Variants in ZKSCAN1 observed in about 807,000 individuals in gnomAD.
ZKSCAN1 encodes the protein zinc finger protein with KRAB and SCAN domains 1.
In ZKSCAN1, 14 loss-of-function variants were observed where a neutral mutation model predicts 51.6. The observed-to-expected ratio is 0.27, with a 90% CI of 0.18 to 0.42. ZKSCAN1 has a LOEUF of 0.42. Ranked by LOEUF, ZKSCAN1 falls within the 10% of genes least tolerant of loss-of-function variation. The pLI is 1.00. For synonymous variants in ZKSCAN1, 263 were observed against 261.5 expected, an observed-to-expected ratio of 1.01 and a Z score of -0.06; for missense variants, 531 against 710.0, an observed-to-expected ratio of 0.75 and a Z score of 2.86.
chr7:100,019,468 A>G (rs890432316), intron 1 of ZKSCAN1: 2 of 152,170 alleles, frequency 1.3e-5, no homozygotes, highest in African/African-American at 4.8e-5. Context: ...GGCATCCCAA[A>G]GTGCTGGGAT....
chr7:100,037,251 A>T lies in ZKSCAN1; in HGVS notation c.*3054A>T, dbSNP rs1420434496. 1.0e-6 allele frequency: 1 copy of T among 985,416 alleles called. No homozygotes were observed. The highest frequency in any genetic ancestry group is 1.2e-6 in the Non-Finnish European group (1 of 829,912). The allele number at this position is 985,416 out of a possible 1,614,324, so 61.0% of individuals were successfully genotyped here. ...TTCTACAGTTAACCATTAGCATGCT[A>T]GTTGTCCTAATGGAAATTTTTGAAG... On this transcript the variant is annotated 3_prime_UTR_variant, in exon 6 of 6. Transcript: ENST00000324306.
At position 100,037,249 on chromosome 7, in the gene ZKSCAN1, C is replaced by A; in HGVS notation, c.*3052C>A. On this transcript the variant is annotated 3_prime_UTR_variant, in exon 6 of 6. Coordinates refer to ENST00000324306, the MANE Select transcript of ZKSCAN1 (RefSeq NM_003439.4). ...CATTCTACAGTTAACCATTAGCATG[C>A]TAGTTGTCCTAATGGAAATTTTTGA... 1.0e-6 allele frequency: 1 copy of A among 985,374 alleles called. No homozygotes were observed. The highest frequency in any genetic ancestry group is 1.2e-6 in the Non-Finnish European group (1 of 829,926). The allele number at this position is 985,374 out of a possible 1,614,324, so 61.0% of individuals were successfully genotyped here. A position where few individuals can be genotyped will look rare whatever the true frequency, so the allele number is the denominator to read the frequency against.
intron 1 of ZKSCAN1, chr7:100,016,780 G>A (rs187140412): frequency 2.0e-5 from 3 of 152,288 alleles, no homozygotes; most frequent in African/African-American, 7.2e-5. Flanking sequence ...GCGGATTGGA[G>A]GCGGTCAATA....
Position 100,035,708 on chromosome 7 carries a change from C to CT in ZKSCAN1, c.*1511_*1512insT, listed in dbSNP as rs1562830592. 5 of 327,104 alleles carry CT rather than the reference C, an allele frequency of 1.5e-5. No homozygotes were observed. Among genetic ancestry groups the CT allele is most frequent in the African/African-American group, 1.1e-4 (5 of 44,676 alleles). The allele number at this position is 327,104 out of a possible 1,614,324, so 20.3% of individuals were successfully genotyped here. ...ACTGAGATGTGGCTGGCTGTGCCAT[C>CT]GTCATAGTGCACAGTGACTTTTCTG... is the stretch of plus-strand genomic sequence containing the variant. On this transcript the variant is annotated 3_prime_UTR_variant, in exon 6 of 6. Coordinates refer to ENST00000324306, the MANE Select transcript of ZKSCAN1 (RefSeq NM_003439.4).
At chr7:100,019,241 CTG>C (rs1416780447) in intron 1 of ZKSCAN1, 1 of 152,212 alleles carries the variant, frequency 6.6e-6, no homozygotes, top group African/African-American at 2.4e-5. Flanking sequence ...GAGTCTCTCT[CTG>C]TCACCCAGGC....
chr7:100,037,105 T>C lies in ZKSCAN1; in HGVS notation c.*2908T>C. 1 of 985,452 alleles carries C rather than the reference T, an allele frequency of 1.0e-6. No homozygotes were observed. The highest frequency in any genetic ancestry group is 1.2e-6 in the Non-Finnish European group (1 of 829,948). The allele number at this position is 985,452 out of a possible 1,614,324, so 61.0% of individuals were successfully genotyped here. On this transcript the variant is annotated 3_prime_UTR_variant, in exon 6 of 6. Coordinates refer to ENST00000324306, the MANE Select transcript of ZKSCAN1 (RefSeq NM_003439.4). ...AAACCACTTGCAGTGCATTCGTTTA[T>C]CAGATGCTCAGTGCAAAGTGTAATT...
In ZKSCAN1 at chr7:100,035,885, A is replaced by C; in HGVS notation, c.*1688A>C. ...CTGTGTAAGTAGTCATCGCCACTCAAGTAGGACAAGGGTCCTACCCAAGGC... is the reference window on the plus strand; with the variant it reads ...CTGTGTAAGTAGTCATCGCCACTCACGTAGGACAAGGGTCCTACCCAAGGC... On this transcript the variant is annotated 3_prime_UTR_variant, in exon 6 of 6. Coordinates refer to ENST00000324306, the MANE Select transcript of ZKSCAN1 (RefSeq NM_003439.4). The C allele has an allele frequency of 1.0e-6, 1 of 985,450 alleles. No homozygotes were observed. Among genetic ancestry groups the C allele is most frequent in the Non-Finnish European group, 1.2e-6 (1 of 829,950 alleles). The allele number at this position is 985,450 out of a possible 1,614,324, so 61.0% of individuals were successfully genotyped here. A position where few individuals can be genotyped will look rare whatever the true frequency, so the allele number is the denominator to read the frequency against.
chr7:100,042,958 C>T (rs1452767922), downstream of ZKSCAN1, among the ~76,000 whole-genome samples: 2 of 151,980 alleles, frequency 1.3e-5, no homozygotes, highest in African/African-American at 2.4e-5. Flanking sequence ...CCACTGTGCC[C>T]GGCTAACTTT....
chr7:100,017,940 A>G (rs1448197223), intron 1 of ZKSCAN1, among the ~76,000 whole-genome samples: 1 of 152,214 alleles, frequency 6.6e-6, no homozygotes, highest in African/African-American at 2.4e-5. Context: ...GTACAGTTAC[A>G]TCTTTTAAGC....
Position 100,024,318 on chromosome 7 carries a change from A to G in ZKSCAN1, c.580+11A>G. 3.1e-6 allele frequency: 5 copies of G among 1,613,686 alleles called. No individual in the cohort carries two copies. Among genetic ancestry groups the G allele is most frequent in the East Asian group, 2.2e-5 (1 of 44,874 alleles). On this transcript the variant is annotated intron_variant, in intron 3 of 5. Coordinates refer to ENST00000324306, the MANE Select transcript of ZKSCAN1 (RefSeq NM_003439.4). ...TCTTACAGTCACGAGGTAAGAAGCA[A>G]GGTTTCATTTAGGGGAAGGGAAATG...
At position 100,034,599 on chromosome 7, in the gene ZKSCAN1, C is replaced by T. The variant is rs1791268091; in HGVS notation, c.*402C>T. 1 of 990,702 alleles carries T rather than the reference C, an allele frequency of 1.0e-6. No individual in the cohort carries two copies. Among genetic ancestry groups the T allele is most frequent in the Non-Finnish European group, 1.2e-6 (1 of 832,008 alleles). 61.4% of individuals were successfully genotyped at this position (990,702 alleles called of 1,614,324 possible). A position where few individuals can be genotyped will look rare whatever the true frequency, so the allele number is the denominator to read the frequency against. On this transcript the variant is annotated 3_prime_UTR_variant, in exon 6 of 6. Coordinates refer to ENST00000324306, the MANE Select transcript of ZKSCAN1 (RefSeq NM_003439.4). ...AGGTTAGGATGCTACTTGCTGCAAA[C>T]AAGCCCTACTTTGGCCAACATCCTG... is the stretch of plus-strand genomic sequence containing the variant.
At chr7:100,045,209 C>G (rs1791688173), downstream of ZKSCAN1, among the ~76,000 whole-genome samples, 1 of 150,840 alleles carries the variant, frequency 6.6e-6, no homozygotes, top group Non-Finnish European at 1.5e-5. Flanking sequence ...GAATTCTCGA[C>G]CAGCCTGGGC....
Position 100,035,966 on chromosome 7 carries a change from A to G in ZKSCAN1, c.*1769A>G, listed in dbSNP as rs1791343804. The G allele has an allele frequency of 3.0e-6, 3 of 985,476 alleles. No individual in the cohort carries two copies. The highest frequency in any genetic ancestry group is 1.2e-6 in the Non-Finnish European group (1 of 829,954). 61.0% of individuals were successfully genotyped at this position (985,476 alleles called of 1,614,324 possible). ...ACTGAGAACAAACCTCAAGACTATC[A>G]GTGTGACCTCCCCATAACAAGAGAA... On this transcript the variant is annotated 3_prime_UTR_variant, in exon 6 of 6. Coordinates refer to ENST00000324306, the MANE Select transcript of ZKSCAN1 (RefSeq NM_003439.4).
chr7:100,029,652 G>T (rs1791015506), intron 3 of ZKSCAN1, among the ~76,000 whole-genome samples: 1 of 152,144 alleles, frequency 6.6e-6, no homozygotes, highest in African/African-American at 2.4e-5. Context: ...AGGTGATTAG[G>T]ACCCTTTTAT....
chr7:100,017,792 C>T (rs1429104457), intron 1 of ZKSCAN1, among the ~76,000 whole-genome samples: 1 of 152,070 alleles, frequency 6.6e-6, no homozygotes, highest in Non-Finnish European at 1.5e-5. Flanking sequence ...ATACAAAATG[C>T]CAGAGAAGTT....
chr7:100,026,194 G>A (rs184289803), intron 3 of ZKSCAN1, among the ~76,000 whole-genome samples: 135 of 133,406 alleles, frequency 1.0e-3, no homozygotes, highest in Middle Eastern at 5.0e-3. Flanking sequence ...TCATGCCATC[G>A]CACTCCAGCC....
In ZKSCAN1 at chr7:100,033,254, G is replaced by C. The variant is rs752187006; in HGVS notation, c.800-51G>C. 6.5e-7 allele frequency: 1 copy of C among 1,530,326 alleles called. No homozygotes were observed. Among genetic ancestry groups the C allele is most frequent in the Admixed American group, 2.3e-5 (1 of 43,236 alleles). 94.8% of individuals were successfully genotyped at this position (1,530,326 alleles called of 1,614,324 possible). ...CGGGAAACTGTCGCTTGACCCACCT[G>C]TATATTCAAAAGAAAAAGGTGCGAT... On this transcript the variant is annotated intron_variant, in intron 5 of 5. Transcript: ENST00000324306. The surrounding 1 kb of genome is among the most constrained non-coding windows in gnomAD (Gnocchi z 4.1).
chr7:100,017,196 A>G (rs1790404001), intron 1 of ZKSCAN1, among the ~76,000 whole-genome samples: 1 of 152,158 alleles, frequency 6.6e-6, no homozygotes, highest in Admixed American at 6.5e-5. Flanking sequence ...AAATGAGTGT[A>G]AAGGGCAAAG....
chr7:100,016,785 T>A (rs1450889851), intron 1 of ZKSCAN1: 1 of 152,154 alleles, frequency 6.6e-6, no homozygotes, highest in Non-Finnish European at 1.5e-5. Flanking sequence ...TTGGAGGCGG[T>A]CAATAAATAC....
Sources: allele counts gnomAD v4.1 joint callset (sites outside exome capture counted in the v4.1 genomes callset), GRCh38; gene constraint gnomAD v4.1.1; non-coding constraint Gnocchi (gnomAD v3.1); transcripts MANE v1.5; gene names NCBI Gene and HGNC (gene_info 2026-07-23, HGNC 2026-07-21).